Variants in GPATCH2 observed in about 807,000 individuals in gnomAD.
GPATCH2 encodes the protein G-patch domain containing 2, also known as G patch domain-containing protein 2.
Under a neutral mutation model 58.0 loss-of-function variants are expected in GPATCH2, and 51 were observed. The ratio of observed to expected loss-of-function variants is 0.88; its 90% CI spans 0.70 to 1.11. GPATCH2 has a LOEUF of 1.11. Ranked by LOEUF, GPATCH2 falls within the 50% of genes most tolerant of loss-of-function variation. The pLI, the probability that GPATCH2 is intolerant of heterozygous loss-of-function variation, is 0.00. For synonymous variants in GPATCH2, 222 were observed against 218.5 expected (o/e 1.02, Z -0.14); for missense variants, 625 against 652.2 (o/e 0.96, Z 0.45).
At chr1:217,569,899 C>T (rs899823802) in intron 5 of GPATCH2, among the ~76,000 whole-genome samples, 2 of 152,086 alleles carry the variant, frequency 1.3e-5, no homozygotes, top group Non-Finnish European at 2.9e-5. Flanking sequence ...TTCTGATTTA[C>T]GTTTGGCAAT....
At chr1:217,599,463 G>T (rs993056419) in intron 5 of GPATCH2, among the ~76,000 whole-genome samples, 1 of 152,320 alleles carries the variant, frequency 6.6e-6, no homozygotes, top group South Asian at 2.1e-4. Flanking sequence ...GACTTGTCTA[G>T]ATGTGGCAAG....
rs73105612 is a variant in GPATCH2 at position 217,463,367 on chromosome 1, T to G, written c.1278-14030A>C. 7.5e-3 allele frequency among the ~76,000 whole-genome samples: 1,147 copies of G among 152,178 alleles called. 10 individuals carry two copies. Among genetic ancestry groups the G allele is most frequent in the African/African-American group, 0.025 (1,048 of 41,518 alleles). ...AGATGGTATAGTTTACTTGAGGAAG[T>G]AAAACAAGTTCATTGCAGCTGGTAT... is the stretch of plus-strand genomic sequence containing the variant. On this transcript the variant is annotated intron_variant, in intron 8 of 9. Coordinates refer to ENST00000366935, the MANE Select transcript of GPATCH2 (RefSeq NM_018040.5).
intron 1 of GPATCH2, 33 bp downstream of exon 1, chr1:217,630,871 CACACCCTTCCCT>C: frequency 6.9e-7 from 1 of 1,459,836 alleles, no homozygotes; most frequent in Non-Finnish European, 9.4e-7. Context: ...CTCGGGCAAT[CACACCCTTCCCT>C]GACCTCCCCC....
At chr1:217,446,168 T>C (rs977788996) in intron 9 of GPATCH2, among the ~76,000 whole-genome samples, 1 of 152,156 alleles carries the variant, frequency 6.6e-6, no homozygotes, top group East Asian at 1.9e-4. Flanking sequence ...AATAAAAGAC[T>C]GTTATCATCT....
intron 5 of GPATCH2, among the ~76,000 whole-genome samples, chr1:217,556,028 G>A (rs1221311517): frequency 6.6e-6 from 1 of 152,156 alleles, no homozygotes; most frequent in Admixed American, 6.5e-5. Flanking sequence ...CTGAAAAGAG[G>A]TTTGAGATAT....
intron 5 of GPATCH2, among the ~76,000 whole-genome samples, chr1:217,576,939 T>C (rs891297768): frequency 2.0e-5 from 3 of 152,224 alleles, no homozygotes; most frequent in East Asian, 1.9e-4. Context: ...CTTTTTAGCA[T>C]TGTTTTGCTT....
At chr1:217,450,326 G>A (rs6694287) in intron 8 of GPATCH2, among the ~76,000 whole-genome samples, 2,781 of 151,876 alleles carry the variant, frequency 0.018, 25 homozygotes, top group Middle Eastern at 0.048. Flanking sequence ...AGAACAAACA[G>A]ATTATTAGGA....
intron 8 of GPATCH2, among the ~76,000 whole-genome samples, chr1:217,457,032 C>T (rs1659975434): frequency 6.6e-6 from 1 of 151,706 alleles, no homozygotes; most frequent in Admixed American, 6.6e-5. Flanking sequence ...ATTAAGCACG[C>T]AATGAAAGAT....
chr1:217,621,030 C>T (rs1216622657), intron 1 of GPATCH2, among the ~76,000 whole-genome samples: 2 of 152,176 alleles, frequency 1.3e-5, no homozygotes, highest in African/African-American at 4.8e-5. Context: ...TAACCAACAC[C>T]ATGCATTTAT....
chr1:217,492,444 C>CT (rs777155422), intron 7 of GPATCH2: 9 of 152,170 alleles, frequency 5.9e-5, no homozygotes, highest in Non-Finnish European at 1.3e-4. Context: ...CACTCAAACT[C>CT]TAGCTTATCT....
chr1:217,609,364 CAT>C (rs1369327837), intron 5 of GPATCH2: 13 of 984,390 alleles, frequency 1.3e-5, no homozygotes, highest in Non-Finnish European at 1.4e-5. Flanking sequence ...CCAGCTTTCA[CAT>C]GTTTCATTAA....
chr1:217,445,355 T>A (rs1659339886), intron 9 of GPATCH2, among the ~76,000 whole-genome samples: 1 of 152,154 alleles, frequency 6.6e-6, no homozygotes, highest in South Asian at 2.1e-4. Flanking sequence ...AACTTAAATC[T>A]TTTTACTATT....
intron 8 of GPATCH2, among the ~76,000 whole-genome samples, chr1:217,457,539 TAG>T (rs1280743270): frequency 6.6e-6 from 1 of 152,176 alleles, no homozygotes; most frequent in Non-Finnish European, 1.5e-5. Context: ...GTAATTTACC[TAG>T]AGTCACAGAT....
chr1:217,626,656 T>C (rs148095067), intron 1 of GPATCH2, among the ~76,000 whole-genome samples: 7 of 152,296 alleles, frequency 4.6e-5, no homozygotes, highest in Non-Finnish European at 2.9e-5. Context: ...AATGGGAATA[T>C]TATTCATCAA....
chr1:217,529,720 C>T (rs576864668), intron 5 of GPATCH2, among the ~76,000 whole-genome samples: 79 of 152,270 alleles, frequency 5.2e-4, no homozygotes, highest in African/African-American at 1.8e-3. Flanking sequence ...CAATGTACTT[C>T]TTTCCCAATT....
intron 5 of GPATCH2, among the ~76,000 whole-genome samples, chr1:217,517,493 T>C (rs151145916): frequency 4.6e-5 from 7 of 152,244 alleles, no homozygotes; most frequent in Non-Finnish European, 8.8e-5. Context: ...AGCAGTGTTA[T>C]ACTGAAGTTT....
At chr1:217,504,037 C>T (rs1467910502) in intron 6 of GPATCH2, among the ~76,000 whole-genome samples, 1 of 152,126 alleles carries the variant, frequency 6.6e-6, no homozygotes, top group Non-Finnish European at 1.5e-5. Context: ...CCAAAGCCCA[C>T]GTCCCTTCCA....
intron 6 of GPATCH2, among the ~76,000 whole-genome samples, chr1:217,514,429 G>A (rs1663020255): frequency 6.6e-6 from 1 of 152,212 alleles, no homozygotes; most frequent in Admixed American, 6.5e-5. Context: ...AAAGTGCTGG[G>A]ATTATGGGCA....
chr1:217,601,692 C>G (rs1571633388), intron 5 of GPATCH2, among the ~76,000 whole-genome samples: 2 of 152,072 alleles, frequency 1.3e-5, no homozygotes, highest in Non-Finnish European at 2.9e-5. Context: ...ACTAGACTGT[C>G]CAAGGCTGTC....
Sources: allele counts gnomAD v4.1 joint callset (sites outside exome capture counted in the v4.1 genomes callset), GRCh38; gene constraint gnomAD v4.1.1; transcripts MANE v1.5; gene names NCBI Gene and HGNC (gene_info 2026-07-23, HGNC 2026-07-21).